The following C1orf185 variants were observed in gnomAD, a reference collection of about 807,000 sequenced individuals.
The protein encoded by C1orf185 is uncharacterized protein C1orf185.
C1orf185 carries 13 observed loss-of-function variants against 16.1 expected under a neutral mutation model. The observed-to-expected ratio is 0.81, with a 90% CI of 0.53 to 1.28. The LOEUF is 1.28. C1orf185 is among the 50% of genes most tolerant of loss of function. The pLI, the probability that C1orf185 is intolerant of heterozygous loss-of-function variation, is 0.00. For synonymous variants in C1orf185, 80 were observed against 76.9 expected (o/e 1.04, Z -0.21); for missense variants, 220 against 225.2 (o/e 0.98, Z 0.15).
At chr1:51,134,860 C>A (rs575614340) in intron 3 of C1orf185, among the ~76,000 whole-genome samples, 11 of 152,110 alleles carry the variant, frequency 7.2e-5, no homozygotes, top group Non-Finnish European at 1.6e-4. Flanking sequence ...TGGTAAATAG[C>A]CTATCAACCA....
At chr1:51,147,364 T>C (rs1646407188) in intron 4 of C1orf185, 103 bp from the exon 5 acceptor site, 1 of 1,071,738 alleles carries the variant, frequency 9.3e-7, no homozygotes, top group South Asian at 1.8e-5. Context: ...TGATAGCAAC[T>C]CAGAATTTCT....
At chr1:51,131,661 A>G (rs1198078429) in intron 3 of C1orf185, among the ~76,000 whole-genome samples, 3 of 152,166 alleles carry the variant, frequency 2.0e-5, no homozygotes, top group African/African-American at 4.8e-5. Context: ...ATTTAAAAAG[A>G]TAGTTAAGCT....
intron 3 of C1orf185, among the ~76,000 whole-genome samples, chr1:51,136,357 A>T (rs1388238581): frequency 5.5e-5 from 8 of 145,878 alleles, no homozygotes; most frequent in Non-Finnish European, 7.5e-5. Context: ...TTTTTTTGAG[A>T]TGGAGTCTTG....
intron 1 of C1orf185, among the ~76,000 whole-genome samples, chr1:51,103,741 G>A (rs1348958222): frequency 6.6e-6 from 1 of 152,026 alleles, no homozygotes; most frequent in African/African-American, 2.4e-5. Flanking sequence ...CAACATGTTG[G>A]CCATGCTGGT....
downstream of C1orf185, among the ~76,000 whole-genome samples, chr1:51,149,393 T>G (rs1031044062): frequency 2.0e-5 from 3 of 152,194 alleles, no homozygotes; most frequent in Non-Finnish European, 1.5e-5. Context: ...CTCTCTCTTT[T>G]GAAGCACCTG....
intron 3 of C1orf185, among the ~76,000 whole-genome samples, chr1:51,135,615 GT>G (rs539233859): frequency 4.3e-4 from 66 of 152,284 alleles, no homozygotes; most frequent in African/African-American, 1.4e-3. Context: ...ACAACTTCAT[GT>G]TAAGAATTCT....
chr1:51,119,923 C>T (rs1646185371), intron 3 of C1orf185, among the ~76,000 whole-genome samples: 1 of 152,010 alleles, frequency 6.6e-6, no homozygotes, highest in Non-Finnish European at 1.5e-5. Context: ...AAGAAAAATA[C>T]ATAAACTAAA....
chr1:51,120,287 C>G (rs1250706126), intron 3 of C1orf185, among the ~76,000 whole-genome samples: 1 of 152,168 alleles, frequency 6.6e-6, no homozygotes, highest in Non-Finnish European at 1.5e-5. Context: ...GTAATATGGT[C>G]AAGAGCATTG....
chr1:51,134,171 C>T (rs542163672), intron 3 of C1orf185, among the ~76,000 whole-genome samples: 73 of 151,996 alleles, frequency 4.8e-4, no homozygotes, highest in Non-Finnish European at 7.7e-4. Flanking sequence ...AAATTAGAAA[C>T]GAAGACTAAG....
chr1:51,104,786 G>T (rs1646056740), intron 1 of C1orf185, among the ~76,000 whole-genome samples: 1 of 152,048 alleles, frequency 6.6e-6, no homozygotes, highest in Non-Finnish European at 1.5e-5. Context: ...TTAAGATTTG[G>T]CTTAAGTGTC....
At chr1:51,112,374 C>A in intron 1 of C1orf185, 90 bp from the exon 2 acceptor site, 2 of 1,024,638 alleles carry the variant, frequency 2.0e-6, no homozygotes, top group Non-Finnish European at 2.8e-6. Context: ...AACACTACAA[C>A]ATGCTATATC....
chr1:51,118,900 T>C, intron 3 of C1orf185, 99 bp downstream of exon 3: 3 of 967,414 alleles, frequency 3.1e-6, no homozygotes, highest in Non-Finnish European at 4.2e-6. Context: ...GAGAATCCAC[T>C]ATTATTTTTT....
chr1:51,134,172 G>A (rs1194322085), intron 3 of C1orf185, among the ~76,000 whole-genome samples: 1 of 151,920 alleles, frequency 6.6e-6, no homozygotes, highest in Non-Finnish European at 1.5e-5. Flanking sequence ...AATTAGAAAC[G>A]AAGACTAAGA....
chr1:51,131,460 G>A (rs1031496822), intron 3 of C1orf185, among the ~76,000 whole-genome samples: 10 of 151,996 alleles, frequency 6.6e-5, no homozygotes, highest in Middle Eastern at 3.4e-3. Flanking sequence ...CTGGAGTTTC[G>A]TTTTTTGTTT....
At chr1:51,131,492 G>A (rs180731239) in intron 3 of C1orf185, among the ~76,000 whole-genome samples, 54 of 151,558 alleles carry the variant, frequency 3.6e-4, no homozygotes, top group African/African-American at 1.1e-3. Flanking sequence ...GATGATTATT[G>A]GCTGGGCTTG....
intron 3 of C1orf185, among the ~76,000 whole-genome samples, chr1:51,139,405 A>T (rs896888514): frequency 4.6e-5 from 7 of 152,212 alleles, no homozygotes; most frequent in African/African-American, 1.7e-4. Context: ...CACCTGTCCA[A>T]ATTTTCTTTC....
chr1:51,130,961 G>A (rs571617763), intron 3 of C1orf185, among the ~76,000 whole-genome samples: 13 of 152,182 alleles, frequency 8.5e-5, no homozygotes, highest in South Asian at 6.2e-4. Flanking sequence ...GGAGTGCAGC[G>A]GCGCTATCTT....
At chr1:51,108,581 T>TC (rs1243329227) in intron 1 of C1orf185, among the ~76,000 whole-genome samples, 4 of 152,074 alleles carry the variant, frequency 2.6e-5, no homozygotes, top group Non-Finnish European at 5.9e-5. Flanking sequence ...CATCCTCCCT[T>TC]CCCCCACTCC....
At chr1:51,110,138 A>C (rs1185695040) in intron 1 of C1orf185, among the ~76,000 whole-genome samples, 2 of 152,204 alleles carry the variant, frequency 1.3e-5, no homozygotes, top group Non-Finnish European at 2.9e-5. Context: ...TCTTTTGAGA[A>C]AGCTATTTAG....
Sources: allele counts gnomAD v4.1 joint callset (sites outside exome capture counted in the v4.1 genomes callset), GRCh38; gene constraint gnomAD v4.1.1; transcripts MANE v1.5; gene names NCBI Gene and HGNC (gene_info 2026-07-23, HGNC 2026-07-21).